SCLT1: variants seen among roughly 807,000 people sequenced by gnomAD.
SCLT1 encodes sodium channel-associated protein 1.
In SCLT1, 78 loss-of-function variants were observed where a neutral mutation model predicts 112.8. That is an observed-to-expected ratio of 0.69 (90% CI 0.58 to 0.83). The LOEUF is 0.83. Ranked by LOEUF, SCLT1 falls within the 40% of genes least tolerant of loss-of-function variation. SCLT1 has a pLI of 0.00. For missense variants in SCLT1, 747 were observed against 770.4 expected (o/e 0.97, Z 0.36); for synonymous variants, 257 against 254.7 (o/e 1.01, Z -0.09).
chr4:128,994,770 C>T (rs1312053868), intron 8 of SCLT1, among the ~76,000 whole-genome samples: 3 of 152,092 alleles, frequency 2.0e-5, no homozygotes, highest in Non-Finnish European at 2.9e-5. Flanking sequence ...TGTTTAGTGA[C>T]ATCGAGCATT....
chr4:129,028,471 CGTAT>C (rs1290428980), intron 5 of SCLT1, among the ~76,000 whole-genome samples: 3 of 143,468 alleles, frequency 2.1e-5, no homozygotes, highest in African/African-American at 5.2e-5. Context: ...ACTGGCTAGC[CGTAT>C]GTAGAAAGCT....
At position 128,959,621 on chromosome 4, in the gene SCLT1, T is replaced by C; in HGVS notation, c.1026A>G (p.Glu342=). 1.9e-6 allele frequency: 3 copies of C among 1,613,224 alleles called. No homozygotes were observed. The South Asian group carries it at 3.3e-5, about 18-fold the overall frequency. ...RARNSMQLLE[E]ANLQKSQALL... is the part of the protein sequence containing the mutation. ...TTACCTGACTTTTTTGAAGGTTAGC[T>C]TCTTCTAAGAGTTGCATGCTATTTC... Residue 342 remains glutamate, a synonymous_variant, in exon 12 of 21, where the codon GAA becomes GAG. Coordinates refer to ENST00000281142, the MANE Select transcript of SCLT1 (RefSeq NM_144643.4).
At chr4:129,076,638 A>G (rs1224038039) in intron 2 of SCLT1, among the ~76,000 whole-genome samples, 1 of 152,088 alleles carries the variant, frequency 6.6e-6, no homozygotes, top group Non-Finnish European at 1.5e-5. Context: ...GGCGTAGATA[A>G]CAAAGAGGAT....
intron 4 of SCLT1, chr4:128,874,506 A>AC (rs1560791011): frequency 2.8e-5 from 3 of 108,620 alleles, no homozygotes; most frequent in Non-Finnish European, 5.1e-5. Context: ...AACAAAAAAT[A>AC]TTAAAAAAAA....
chr4:128,883,142 C>T (rs1285229803), downstream of SCLT1, among the ~76,000 whole-genome samples: 4 of 88,546 alleles, frequency 4.5e-5, no homozygotes, highest in Non-Finnish European at 8.7e-5. Flanking sequence ...GAGACTCTCT[C>T]AACAACAACA....
chr4:129,021,066 T>A (rs1469557482), intron 5 of SCLT1, among the ~76,000 whole-genome samples: 1 of 152,072 alleles, frequency 6.6e-6, no homozygotes, highest in African/African-American at 2.4e-5. Context: ...GTTCATCTCA[T>A]CGGGACTGGT....
chr4:129,047,502 C>T (rs535165277), intron 2 of SCLT1, among the ~76,000 whole-genome samples: 1 of 152,068 alleles, frequency 6.6e-6, no homozygotes, highest in African/African-American at 2.4e-5. Flanking sequence ...TCTTCTTGTC[C>T]CTTTTCATAT....
downstream of SCLT1, among the ~76,000 whole-genome samples, chr4:128,879,378 A>C (rs1425063513): frequency 1.3e-5 from 2 of 151,708 alleles, no homozygotes; most frequent in East Asian, 3.9e-4. Context: ...ATTACATCCC[A>C]TGACACTTGG....
intron 2 of SCLT1, among the ~76,000 whole-genome samples, chr4:129,046,339 C>T (rs1018336331): frequency 4.6e-5 from 7 of 152,062 alleles, no homozygotes; most frequent in Non-Finnish European, 1.0e-4. Context: ...AGTCACTACC[C>T]CCAGGCTCCA....
intron 9 of SCLT1, among the ~76,000 whole-genome samples, chr4:128,983,476 G>C (rs1741843867): frequency 6.6e-6 from 1 of 152,174 alleles, no homozygotes. Flanking sequence ...TAGAATGAAT[G>C]AGAGAAGTCT....
At chr4:129,087,864 T>C (rs973873231) in intron 1 of SCLT1, among the ~76,000 whole-genome samples, 1 of 150,010 alleles carries the variant, frequency 6.7e-6, no homozygotes, top group African/African-American at 2.5e-5. Context: ...GGCAAGAGGA[T>C]CACTTGAGCC....
intron 9 of SCLT1, among the ~76,000 whole-genome samples, chr4:128,988,507 G>T (rs1742289446): frequency 6.6e-6 from 1 of 151,604 alleles, no homozygotes; most frequent in Non-Finnish European, 1.5e-5. Flanking sequence ...GAAAAGCCAA[G>T]AAATTAAAAT....
At chr4:128,882,378 T>A (rs1732661520), downstream of SCLT1, among the ~76,000 whole-genome samples, 1 of 152,226 alleles carries the variant, frequency 6.6e-6, no homozygotes, top group African/African-American at 2.4e-5. Context: ...AGGTATGATT[T>A]GGTCTCATCA....
chr4:128,881,468 T>C (rs747931800), downstream of SCLT1, among the ~76,000 whole-genome samples: 1 of 152,202 alleles, frequency 6.6e-6, no homozygotes, highest in Non-Finnish European at 1.5e-5. Context: ...TGTTTTCCAA[T>C]GTTTGGGGTG....
chr4:129,015,611 C>T (rs1374742557), intron 5 of SCLT1, among the ~76,000 whole-genome samples: 1 of 152,152 alleles, frequency 6.6e-6, no homozygotes, highest in Middle Eastern at 3.2e-3. Flanking sequence ...GCACCAAACC[C>T]TCTGGGATCC....
At chr4:128,984,154 A>G (rs934922414) in intron 9 of SCLT1, among the ~76,000 whole-genome samples, 1 of 152,222 alleles carries the variant, frequency 6.6e-6, no homozygotes, top group East Asian at 1.9e-4. Context: ...AACTGCAACT[A>G]GTTTTATCAA....
At position 128,884,405 on chromosome 4, in the gene SCLT1, T is replaced by C; in HGVS notation, c.*72A>G. On this transcript the variant is annotated 3_prime_UTR_variant, in exon 21 of 21. Transcript: ENST00000281142. ...CTTAACTATTATACTTTGCAGGCTTTACCATTTCAATACACTTCTAGTCCA... is the reference window on the plus strand; with the variant it reads ...CTTAACTATTATACTTTGCAGGCTTCACCATTTCAATACACTTCTAGTCCA... The C allele has an allele frequency of 2.3e-6, 2 of 885,548 alleles. No homozygotes were observed. The highest frequency in any genetic ancestry group is 1.8e-5 in the Admixed American group (1 of 55,316). The allele number at this position is 885,548 out of a possible 1,614,324, so 54.9% of individuals were successfully genotyped here.
At chr4:129,039,900 GCACACACACACACACACA>G in intron 4 of SCLT1, 1 of 217,952 alleles carries the variant, frequency 4.6e-6, no homozygotes, top group Non-Finnish European at 9.3e-6. Flanking sequence ...GTGCGCGCGC[GCACACACACACACACACA>G]CACACACACA....
At chr4:128,987,147 T>C (rs987483770) in intron 9 of SCLT1, among the ~76,000 whole-genome samples, 1 of 152,200 alleles carries the variant, frequency 6.6e-6, no homozygotes, top group Non-Finnish European at 1.5e-5. Flanking sequence ...TGCAATGTTC[T>C]GAAATGGCTG....
Sources: gnomAD v4.1 joint callset for allele counts (sites outside exome capture counted in the v4.1 genomes callset) on GRCh38, gnomAD v4.1.1 for gene constraint, MANE v1.5 for transcripts, NCBI Gene and HGNC (gene_info 2026-07-23, HGNC 2026-07-21) for gene names.